Variants in SLC4A10 observed in about 807,000 individuals in gnomAD.
The protein encoded by SLC4A10 is sodium-driven chloride bicarbonate exchanger.
A neutral mutation model predicts 137.7 loss-of-function variants in SLC4A10; 42 were observed. That is an observed-to-expected ratio of 0.30 (90% CI 0.24 to 0.39). The LOEUF (loss-of-function observed/expected upper bound fraction) is 0.39, where lower values mean the gene tolerates loss of function less well. Ranked by LOEUF, SLC4A10 falls within the 10% of genes least tolerant of loss-of-function variation. The pLI is 1.00. For missense variants in SLC4A10, 925 were observed against 1,355.0 expected, an observed-to-expected ratio of 0.68 and a Z score of 4.98; for synonymous variants, 474 against 464.1, an observed-to-expected ratio of 1.02 and a Z score of -0.27.
At chr2:161,898,924 T>C (rs1447447924) in intron 11 of SLC4A10, among the ~76,000 whole-genome samples, 1 of 152,166 alleles carries the variant, frequency 6.6e-6, no homozygotes, top group Non-Finnish European at 1.5e-5. Flanking sequence ...TCATTCTCAC[T>C]TGATGACTAT....
chr2:161,741,413 T>C (rs190148333), intron 1 of SLC4A10, among the ~76,000 whole-genome samples: 285 of 152,280 alleles, frequency 1.9e-3, no homozygotes, highest in Non-Finnish European at 3.2e-3. Context: ...ATACTCTACA[T>C]TAAATCTCTA....
Position 161,958,177 on chromosome 2 carries a change from A to T in SLC4A10, c.2794-310A>T, listed in dbSNP as rs533587957. On this transcript the variant is annotated intron_variant, in intron 20 of 26. Coordinates refer to ENST00000446997, the MANE Select transcript of SLC4A10 (RefSeq NM_001178015.2). ...TTGTCTCCAAAGTAGCATAATAATA[A>T]TATTATTGTTCATTATATACTACAT... 1.4e-3 allele frequency among the ~76,000 whole-genome samples: 219 copies of T among 152,230 alleles called. 1 individual carries two copies. Among genetic ancestry groups the T allele is most frequent in the Non-Finnish European group, 1.9e-3 (127 of 67,990 alleles).
chr2:161,982,349 T>G (rs979122977), intron 26 of SLC4A10, among the ~76,000 whole-genome samples: 2 of 152,180 alleles, frequency 1.3e-5, no homozygotes, highest in Non-Finnish European at 2.9e-5. Context: ...CCTGTAATGA[T>G]ATTGTTTGAA....
At chr2:161,925,274 G>A (rs1351805562) in intron 15 of SLC4A10, among the ~76,000 whole-genome samples, 4 of 152,114 alleles carry the variant, frequency 2.6e-5, no homozygotes, top group African/African-American at 9.7e-5. Flanking sequence ...GTTTAGTCTT[G>A]GGAGGGTGTA....
chr2:161,887,925 T>G (rs2062484371), intron 10 of SLC4A10, among the ~76,000 whole-genome samples: 2 of 152,244 alleles, frequency 1.3e-5, no homozygotes, highest in South Asian at 4.1e-4. Flanking sequence ...TTCTAGGGTT[T>G]TTAGGGCTTT....
chr2:161,924,611 A>C (rs1332692223), intron 15 of SLC4A10, among the ~76,000 whole-genome samples: 10 of 152,234 alleles, frequency 6.6e-5, no homozygotes, highest in Admixed American at 2.0e-4. Context: ...ATTGATTTAT[A>C]GGTGAGTAAT....
intron 8 of SLC4A10, among the ~76,000 whole-genome samples, chr2:161,875,575 C>A (rs962593578): frequency 6.6e-6 from 1 of 152,104 alleles, no homozygotes; most frequent in East Asian, 1.9e-4. Flanking sequence ...TTTTAAAAAG[C>A]AGATGTGTCA....
At chr2:161,653,531 TCGC>T (rs2037101187) in intron 1 of SLC4A10, among the ~76,000 whole-genome samples, 1 of 152,238 alleles carries the variant, frequency 6.6e-6, no homozygotes, top group Admixed American at 6.5e-5. Flanking sequence ...TTTTTAATAA[TCGC>T]CATTCTAACT....
chr2:161,798,726 C>G (rs921808547), intron 2 of SLC4A10, among the ~76,000 whole-genome samples: 2 of 150,772 alleles, frequency 1.3e-5, no homozygotes, highest in Non-Finnish European at 3.0e-5. Flanking sequence ...GAGAAAAAAC[C>G]TTGACATTTT....
intron 15 of SLC4A10, among the ~76,000 whole-genome samples, chr2:161,917,080 A>T (rs144393816): frequency 1.3e-5 from 2 of 152,344 alleles, no homozygotes; most frequent in East Asian, 3.9e-4. Context: ...GATATGACTT[A>T]CATTTCTAAA....
At chr2:161,859,987 A>C (rs1043139792) in intron 5 of SLC4A10, among the ~76,000 whole-genome samples, 1 of 152,164 alleles carries the variant, frequency 6.6e-6, no homozygotes, top group Non-Finnish European at 1.5e-5. Flanking sequence ...TCTGGACCCA[A>C]CGTCATTATG....
chr2:161,978,460 T>C (rs1699755778), intron 26 of SLC4A10, among the ~76,000 whole-genome samples: 1 of 151,672 alleles, frequency 6.6e-6, no homozygotes, highest in Admixed American at 6.6e-5. Context: ...GAGCCTCCAT[T>C]ATGTACCACC....
At chr2:161,740,789 C>T (rs2047800431) in intron 1 of SLC4A10, among the ~76,000 whole-genome samples, 1 of 152,138 alleles carries the variant, frequency 6.6e-6, no homozygotes, top group Admixed American at 6.6e-5. Context: ...TTTTATGATA[C>T]TAGGTAGTGA....
chr2:161,781,198 A>G (rs1225099384), intron 2 of SLC4A10, among the ~76,000 whole-genome samples: 1 of 152,100 alleles, frequency 6.6e-6, no homozygotes, highest in Non-Finnish European at 1.5e-5. Flanking sequence ...AGAAGCAACT[A>G]CATTTTTCTA....
At chr2:161,715,542 C>A (rs1402231036) in intron 1 of SLC4A10, among the ~76,000 whole-genome samples, 1 of 152,036 alleles carries the variant, frequency 6.6e-6, no homozygotes, top group Non-Finnish European at 1.5e-5. Flanking sequence ...TTTTCCCCTG[C>A]CTGTGTCCAT....
At chr2:161,742,475 A>T (rs185436137) in intron 1 of SLC4A10, among the ~76,000 whole-genome samples, 9 of 117,976 alleles carry the variant, frequency 7.6e-5, no homozygotes, top group African/African-American at 3.1e-4. Context: ...TGAGTCTCGC[A>T]CTGTCGCCCA....
chr2:161,978,850 T>C (rs1699808158), intron 26 of SLC4A10, among the ~76,000 whole-genome samples: 1 of 152,212 alleles, frequency 6.6e-6, no homozygotes, highest in African/African-American at 2.4e-5. Context: ...CATGTATTTC[T>C]TTGCTTGGCT....
At position 161,840,064 on chromosome 2, in the gene SLC4A10, A is replaced by G. The variant is rs1469170521; in HGVS notation, c.416+137A>G. The stretch of plus-strand genomic sequence containing the variant: ...GAAGTTGCTCATCTAGCCTGAGCAT[A>G]TCCTATAACGGGATATGGGTCAGAA... On this transcript the variant is annotated intron_variant, in intron 4 of 26. Coordinates refer to ENST00000446997, the MANE Select transcript of SLC4A10 (RefSeq NM_001178015.2). The G allele has an allele frequency of 2.9e-6, 3 of 1,023,340 alleles. No homozygotes were observed. In the South Asian group the frequency reaches 4.7e-5, roughly 16 times the overall value. The allele number at this position is 1,023,340 out of a possible 1,614,324, so 63.4% of individuals were successfully genotyped here.
chr2:161,833,905 A>G (rs1006018611), intron 3 of SLC4A10, among the ~76,000 whole-genome samples: 1 of 152,212 alleles, frequency 6.6e-6, no homozygotes, highest in Non-Finnish European at 1.5e-5. Context: ...GTGCACACAT[A>G]TAAGTAAGAT....
Sources: allele counts gnomAD v4.1 joint callset (sites outside exome capture counted in the v4.1 genomes callset), GRCh38; gene constraint gnomAD v4.1.1; transcripts MANE v1.5; gene names NCBI Gene and HGNC (gene_info 2026-07-23, HGNC 2026-07-21).